Variants in RYR3 observed in about 807,000 individuals in gnomAD.
The protein encoded by RYR3 is brain ryanodine receptor-calcium release channel.
A neutral mutation model predicts 584.3 loss-of-function variants in RYR3; 207 were observed. That is an observed-to-expected ratio of 0.35 (90% CI 0.32 to 0.40). The LOEUF is 0.40. RYR3 is among the 10% of genes least tolerant of loss of function. RYR3 has a pLI of 1.00. For missense variants in RYR3, 5,616 were observed against 6,089.2 expected, an observed-to-expected ratio of 0.92 and a Z score of 2.59; for synonymous variants, 2,416 against 2,248.5, an observed-to-expected ratio of 1.07 and a Z score of -2.11.
At chr15:33,737,357 C>T (rs919081712) in intron 49 of RYR3, among the ~76,000 whole-genome samples, 2 of 152,198 alleles carry the variant, frequency 1.3e-5, no homozygotes, top group African/African-American at 4.8e-5. Context: ...ACACCAGAAT[C>T]AGTCATCCAC....
At chr15:33,425,896 C>A (rs1045941089) in intron 1 of RYR3, among the ~76,000 whole-genome samples, 9 of 152,238 alleles carry the variant, frequency 5.9e-5, no homozygotes, top group Admixed American at 5.9e-4. Context: ...CCCGCCTTGG[C>A]CTCCCAAAGT....
In RYR3 at chr15:33,787,525, A is replaced by C. The variant is rs528181192; in HGVS notation, c.9590-693A>C. Among the ~76,000 whole-genome samples, 543 of 129,002 alleles carry C rather than the reference A, an allele frequency of 4.2e-3. 4 individuals carry two copies. The highest frequency in any genetic ancestry group is 0.013 in the African/African-American group (505 of 38,276). The allele number at this position is 129,002 out of a possible 152,430, so 84.6% of individuals were successfully genotyped here. A position where few individuals can be genotyped will look rare whatever the true frequency, so the allele number is the denominator to read the frequency against. The stretch of plus-strand genomic sequence containing the variant: ...TACAATTACTCTGGTCTTTAAAAAA[A>C]AAAAACAAAAACAAACAAACAAAAA... On this transcript the variant is annotated intron_variant, in intron 66 of 103. Coordinates refer to ENST00000634891, the MANE Select transcript of RYR3 (RefSeq NM_001036.6).
chr15:33,571,450 A>G (rs1261244516), intron 12 of RYR3, among the ~76,000 whole-genome samples: 1 of 152,084 alleles, frequency 6.6e-6, no homozygotes, highest in Non-Finnish European at 1.5e-5. Flanking sequence ...CAATTCCATC[A>G]GTTTTTGCTT....
chr15:33,751,183 T>C (rs1014506981), intron 57 of RYR3, among the ~76,000 whole-genome samples: 8 of 152,216 alleles, frequency 5.3e-5, no homozygotes, highest in Non-Finnish European at 1.5e-5. Context: ...TGAACAGTGC[T>C]GCAATAAACA....
At chr15:33,779,469 G>A (rs1473280854) in intron 64 of RYR3, among the ~76,000 whole-genome samples, 1 of 152,046 alleles carries the variant, frequency 6.6e-6, no homozygotes, top group African/African-American at 2.4e-5. Context: ...CTGTTGTAAG[G>A]GCAGGTCTTT....
chr15:33,581,355 GA>G (rs1306364857), intron 13 of RYR3, among the ~76,000 whole-genome samples, 152 bp from the exon 14 acceptor site: 3 of 151,562 alleles, frequency 2.0e-5, no homozygotes, highest in Non-Finnish European at 4.4e-5. Context: ...TTTTAGGAGG[GA>G]AAAAAAACAA....
At chr15:33,647,990 A>G (rs2062202866) in intron 30 of RYR3, among the ~76,000 whole-genome samples, 1 of 45,236 alleles carries the variant, frequency 2.2e-5, no homozygotes, top group Admixed American at 2.2e-4. Context: ...GCATCTGGCA[A>G]AAAAAAAAAA....
At chr15:33,841,022 A>G (rs1327615492) in intron 90 of RYR3, 139 bp downstream of exon 90, 2 of 728,006 alleles carry the variant, frequency 2.7e-6, no homozygotes, top group Non-Finnish European at 4.6e-6. Flanking sequence ...CTTCGAGACC[A>G]TCCTGGGCAA....
chr15:33,600,629 C>G (rs1203387634), intron 16 of RYR3, among the ~76,000 whole-genome samples: 2 of 152,084 alleles, frequency 1.3e-5, no homozygotes, highest in Admixed American at 6.6e-5. Flanking sequence ...CATGGGCCAC[C>G]TGGGATCTTG....
intron 71 of RYR3, 66 bp downstream of exon 71, chr15:33,810,715 CT>C (rs1215599077): frequency 3.8e-6 from 6 of 1,596,202 alleles, no homozygotes; most frequent in Non-Finnish European, 8.6e-7. Context: ...CATTCAGCCC[CT>C]GAAGGGTTAG....
At chr15:33,435,407 A>G (rs1358120043) in intron 1 of RYR3, among the ~76,000 whole-genome samples, 1 of 152,172 alleles carries the variant, frequency 6.6e-6, no homozygotes, top group Non-Finnish European at 1.5e-5. Flanking sequence ...TCCAGTGTAT[A>G]CATTTATCAT....
intron 1 of RYR3, among the ~76,000 whole-genome samples, chr15:33,344,895 A>G (rs1972258983): frequency 6.6e-6 from 1 of 152,220 alleles, no homozygotes; most frequent in Admixed American, 6.5e-5. Context: ...GAGGGTTAGC[A>G]GAAGTTCTGA....
intron 19 of RYR3, among the ~76,000 whole-genome samples, chr15:33,623,110 T>C (rs2060809090): frequency 6.6e-6 from 1 of 152,166 alleles, no homozygotes; most frequent in South Asian, 2.1e-4. Context: ...CAGGACTGGG[T>C]ACTATCAGGA....
At chr15:33,596,878 C>T (rs2059403622) in intron 16 of RYR3, among the ~76,000 whole-genome samples, 1 of 152,086 alleles carries the variant, frequency 6.6e-6, no homozygotes, top group Non-Finnish European at 1.5e-5. Flanking sequence ...CCCCACCCCT[C>T]CCTCTTAACC....
At chr15:33,830,219 C>T (rs2077596089) in intron 85 of RYR3, among the ~76,000 whole-genome samples, 1 of 152,178 alleles carries the variant, frequency 6.6e-6, no homozygotes, top group Admixed American at 6.5e-5. Context: ...ATGCAGTTAA[C>T]ACTGTCTTAT....
rs2065955155 is a variant in RYR3, at chr15:33,697,756, A to G, written c.6135-126A>G. On this transcript the variant is annotated intron_variant, in intron 39 of 103. Transcript: ENST00000634891. ...ATTCCAGCTGAACTAGTGCTTTCTTATTATCTTTTCAGCCTGTTACTTTCA... is the reference window on the plus strand; with the variant it reads ...ATTCCAGCTGAACTAGTGCTTTCTTGTTATCTTTTCAGCCTGTTACTTTCA... 6.4e-6 allele frequency: 4 copies of G among 626,270 alleles called. No individual in the cohort carries two copies. In the Admixed American group the frequency reaches 7.6e-5, roughly 12 times the overall value. The allele number at this position is 626,270 out of a possible 1,614,324, so 38.8% of individuals were successfully genotyped here.
intron 67 of RYR3, among the ~76,000 whole-genome samples, chr15:33,793,828 T>C (rs746861730): frequency 1.3e-5 from 2 of 150,820 alleles, no homozygotes; most frequent in Non-Finnish European, 2.9e-5. Context: ...ATAAGGTAAA[T>C]TGTAGTTACT....
intron 19 of RYR3, 80 bp downstream of exon 19, chr15:33,613,455 T>G: frequency 4.3e-6 from 6 of 1,397,520 alleles, no homozygotes; most frequent in Non-Finnish European, 5.8e-6. Context: ...AAGCCAGCAG[T>G]CTCCTTCAGG....
rs909398269 is a variant in RYR3, at chr15:33,311,464, C to G, written c.51+368C>G. ...AAGATCGGCGTTGGAAGCCCTCGCC[C>G]CGGGGTCGGCCCTCTGACACCTCCA... On this transcript the variant is annotated intron_variant, in intron 1 of 103. Transcript: ENST00000634891. The surrounding 1 kb of genome is among the most constrained non-coding windows in gnomAD (Gnocchi z 4.4). 6.6e-6 allele frequency among the ~76,000 whole-genome samples: 1 copy of G among 152,170 alleles called. No homozygotes were observed. Among genetic ancestry groups the G allele is most frequent in the East Asian group, 1.9e-4 (1 of 5,170 alleles).
Sources: allele counts gnomAD v4.1 joint callset (sites outside exome capture counted in the v4.1 genomes callset), GRCh38; gene constraint gnomAD v4.1.1; non-coding constraint Gnocchi (gnomAD v3.1); transcripts MANE v1.5; gene names NCBI Gene and HGNC (gene_info 2026-07-23, HGNC 2026-07-21).